Variants in PCDHGA12 observed in about 807,000 individuals in gnomAD.
PCDHGA12 encodes the protein protocadherin gamma subfamily A, 12.
A neutral mutation model predicts 61.1 loss-of-function variants in PCDHGA12; 43 were observed. The ratio of observed to expected loss-of-function variants is 0.70; its 90% CI spans 0.55 to 0.91. PCDHGA12 has a LOEUF of 0.91. Among genes scored for constraint, PCDHGA12 ranks in the 40% least tolerant of loss-of-function variants. The probability of loss-of-function intolerance (pLI) is 0.00; values close to 1 mark genes in which losing one functional copy is unlikely to be tolerated. For synonymous variants in PCDHGA12, 520 were observed against 542.9 expected, an observed-to-expected ratio of 0.96 and a Z score of 0.59; for missense variants, 1,236 against 1,227.7, an observed-to-expected ratio of 1.01 and a Z score of -0.10.
intron 2 of PCDHGA12, among the ~76,000 whole-genome samples, chr5:141,496,103 C>T (rs779317844): frequency 2.0e-5 from 3 of 152,218 alleles, no homozygotes; most frequent in South Asian, 2.1e-4. Flanking sequence ...ACCAACACCC[C>T]GCTCTCTTCC....
rs761202330 is a variant in PCDHGA12 at position 141,489,878 on chromosome 5, C to T, written c.2425-4929C>T. 1.1e-5 allele frequency: 17 copies of T among 1,614,116 alleles called. No individual in the cohort carries two copies. In the East Asian group the frequency reaches 3.6e-4, roughly 34 times the overall value. On this transcript the variant is annotated intron_variant, in intron 1 of 3. Transcript: ENST00000252085. This position sits in a 1 kb window ranked among gnomAD's most constrained non-coding sequence, Gnocchi z 4.5. ...CAGGCAAGACATCAGCTGGTGCTTA[C>T]TGCTGTGGATGGGGGGACCCCAGCC... is the stretch of plus-strand genomic sequence containing the variant.
intron 1 of PCDHGA12, among the ~76,000 whole-genome samples, chr5:141,482,056 G>A (rs1271837619): frequency 1.3e-5 from 2 of 149,012 alleles, no homozygotes; most frequent in Non-Finnish European, 3.0e-5. Context: ...TTGCATTCCA[G>A]CCTGGGCAAC....
At chr5:141,461,614 T>G (rs954890718) in intron 1 of PCDHGA12, among the ~76,000 whole-genome samples, 11 of 152,208 alleles carry the variant, frequency 7.2e-5, no homozygotes, top group Non-Finnish European at 1.2e-4. Flanking sequence ...TTCAAAGTAT[T>G]TTCTAATACA....
In PCDHGA12 at chr5:141,476,802, C is replaced by T; in HGVS notation, c.2425-18005C>T. 2 of 1,613,638 alleles carry T rather than the reference C, an allele frequency of 1.2e-6. No homozygotes were observed. The highest frequency in any genetic ancestry group is 1.7e-6 in the Non-Finnish European group (2 of 1,180,020). On this transcript the variant is annotated intron_variant, in intron 1 of 3. Coordinates refer to ENST00000252085, the MANE Select transcript of PCDHGA12 (RefSeq NM_003735.3). The surrounding 1 kb of genome is among the most constrained non-coding windows in gnomAD (Gnocchi z 7.6). ...ACCCCAGCTCTCTCCGCCAGCCTGC[C>T]TATTCACATCAAGGTGCTGGACGCG... is the stretch of plus-strand genomic sequence containing the variant.
chr5:141,506,834 C>T (rs2099856597), intron 3 of PCDHGA12, among the ~76,000 whole-genome samples: 1 of 152,140 alleles, frequency 6.6e-6, no homozygotes, highest in Non-Finnish European at 1.5e-5. Flanking sequence ...ACTGATAGCC[C>T]TGCCCTCCAG....
At chr5:141,438,159 T>TA (rs974013542) in intron 1 of PCDHGA12, among the ~76,000 whole-genome samples, 44 of 152,258 alleles carry the variant, frequency 2.9e-4, no homozygotes, top group African/African-American at 9.9e-4. Context: ...ATGGCAAAGC[T>TA]AATTGGAAAA....
At chr5:141,488,139 T>C (rs906194527) in intron 1 of PCDHGA12, among the ~76,000 whole-genome samples, 2 of 152,084 alleles carry the variant, frequency 1.3e-5, no homozygotes, top group Non-Finnish European at 2.9e-5. Context: ...AGGAGAGAAC[T>C]AAAGGAATAG....
At position 141,477,226 on chromosome 5, in the gene PCDHGA12, C is replaced by G. The variant is rs779570150; in HGVS notation, c.2425-17581C>G. 59 of 1,614,076 alleles carry G rather than the reference C, an allele frequency of 3.7e-5. No homozygotes were observed. The highest frequency in any genetic ancestry group is 1.3e-4 in the Admixed American group (8 of 60,004). On this transcript the variant is annotated intron_variant, in intron 1 of 3. Coordinates refer to ENST00000252085, the MANE Select transcript of PCDHGA12 (RefSeq NM_003735.3). This position sits in a 1 kb window ranked among gnomAD's most constrained non-coding sequence, Gnocchi z 4.9. ...CCGAGGATGCCCCTCTGGGGACTGT[C>G]ATCGCTTTGCTCAGTGTGACTGACC...
chr5:141,502,282 C>A (rs187281689), intron 2 of PCDHGA12, among the ~76,000 whole-genome samples: 1 of 151,848 alleles, frequency 6.6e-6, no homozygotes, highest in Non-Finnish European at 1.5e-5. Flanking sequence ...GCATAGATTG[C>A]ATTTGGTTGT....
In PCDHGA12 at chr5:141,505,598, C is replaced by T. The variant is rs532473064; in HGVS notation, c.2572+117C>T. The T allele has an allele frequency of 1.4e-3, 2,157 of 1,556,732 alleles. 3 individuals are homozygous for T. Among genetic ancestry groups the T allele is most frequent in the Non-Finnish European group, 1.8e-3 (2,025 of 1,148,246 alleles). ...ACCTGTGTAGTTTCTCCAGATCTTT[C>T]GGCAGGTCTGAAAGGACCCACAATT... On this transcript the variant is annotated intron_variant, in intron 3 of 3. Coordinates refer to ENST00000252085, the MANE Select transcript of PCDHGA12 (RefSeq NM_003735.3).
chr5:141,452,749 G>A (rs1453824335), intron 1 of PCDHGA12, among the ~76,000 whole-genome samples: 1 of 152,052 alleles, frequency 6.6e-6, no homozygotes, highest in African/African-American at 2.4e-5. Flanking sequence ...AGAGAAGGAA[G>A]AAGGAAGGGA....
chr5:141,510,814 C>CA, intron 3 of PCDHGA12, 133 bp from the exon 4 acceptor site: 1 of 1,544,688 alleles, frequency 6.5e-7, no homozygotes, highest in Admixed American at 1.8e-5. Flanking sequence ...TTGGTGACCC[C>CA]TATATTCCCA....
intron 1 of PCDHGA12, among the ~76,000 whole-genome samples, chr5:141,461,126 T>C (rs575819058): frequency 6.6e-6 from 1 of 152,260 alleles, no homozygotes; most frequent in Non-Finnish European, 1.5e-5. Flanking sequence ...TTTCATATAA[T>C]TACTTATTTT....
At chr5:141,501,901 C>T (rs1595767273) in intron 2 of PCDHGA12, among the ~76,000 whole-genome samples, 1 of 152,070 alleles carries the variant, frequency 6.6e-6, no homozygotes, top group Non-Finnish European at 1.5e-5. Context: ...TGGTTCCAAC[C>T]CCACTGTTCC....
At chr5:141,475,955 C>G (rs1562050812) in intron 1 of PCDHGA12, 8 of 800,218 alleles carry the variant, frequency 1.0e-5, no homozygotes, top group South Asian at 1.9e-5. Flanking sequence ...TTCTGCGCCC[C>G]GGGATGAGGC....
rs778198822 is a variant in PCDHGA12, at chr5:141,432,802, A to C, written c.2043A>C (p.Pro681=). 6.2e-7 allele frequency: 1 copy of C among 1,614,082 alleles called. No homozygotes were observed. The highest frequency in any genetic ancestry group is 1.1e-5 in the South Asian group (1 of 91,076). The part of the protein sequence containing the change: ...VLADLGSLES[P]ANSETSDLTL... The stretch of plus-strand genomic sequence containing the variant: ...CGGACCTCGGCAGCCTCGAGTCTCC[A>C]GCTAACTCTGAAACCTCAGACCTCA... Residue 681 remains proline, a synonymous_variant, in exon 1 of 4, where the codon CCA becomes CCC. Transcript: ENST00000252085. This position sits in a 1 kb window ranked among gnomAD's most constrained non-coding sequence, Gnocchi z 6.0.
At chr5:141,483,937 C>T (rs964918788) in intron 1 of PCDHGA12, among the ~76,000 whole-genome samples, 1 of 130,444 alleles carries the variant, frequency 7.7e-6, no homozygotes, top group African/African-American at 2.9e-5. Flanking sequence ...TAGGTACCTA[C>T]GGTGTGAATT....
In PCDHGA12 at chr5:141,502,866, CT is replaced by C. The variant is rs549047197; in HGVS notation, c.2484-2513del. Among the ~76,000 whole-genome samples the C allele has an allele frequency of 2.5e-3, 324 of 127,930 alleles. 1 individual carries two copies. Among genetic ancestry groups the C allele is most frequent in the Non-Finnish European group, 3.0e-3 (189 of 62,366 alleles). 83.9% of individuals were successfully genotyped at this position (127,930 alleles called of 152,430 possible). On this transcript the variant is annotated intron_variant, in intron 2 of 3. Transcript: ENST00000252085. ...GAGCTGCCTAACCCTGACTCTCTGT[CT>C]TTTTTTTTTTTTTGACAGGGAGTCT...
intron 1 of PCDHGA12, among the ~76,000 whole-genome samples, chr5:141,436,491 T>G (rs546883133): frequency 6.6e-6 from 1 of 152,182 alleles, no homozygotes; most frequent in Non-Finnish European, 1.5e-5. Flanking sequence ...GATAGCAGCT[T>G]TGCAATTAGG....
Sources: gnomAD v4.1 joint callset for allele counts (sites outside exome capture counted in the v4.1 genomes callset) on GRCh38, gnomAD v4.1.1 for gene constraint, Gnocchi (gnomAD v3.1) non-coding constraint, MANE v1.5 for transcripts, NCBI Gene and HGNC (gene_info 2026-07-23, HGNC 2026-07-21) for gene names.